The following CHN1 variants were observed in gnomAD, a reference collection of about 807,000 sequenced individuals.
The protein encoded by CHN1 is chimerin 1.
In CHN1, 37 loss-of-function variants were observed where a neutral mutation model predicts 59.5. The ratio of observed to expected loss-of-function variants is 0.62; its 90% CI spans 0.48 to 0.82. The LOEUF (loss-of-function observed/expected upper bound fraction) is 0.82. CHN1 is among the 40% of genes least tolerant of loss of function. The pLI, the probability that CHN1 is intolerant of heterozygous loss-of-function variation, is 0.00. For missense variants in CHN1, 469 were observed against 571.0 expected (o/e 0.82, Z 1.82); for synonymous variants, 206 against 200.4 (o/e 1.03, Z -0.24).
intron 11 of CHN1, among the ~76,000 whole-genome samples, chr2:174,806,170 C>A (rs1328857573): frequency 2.6e-5 from 4 of 152,078 alleles, no homozygotes; most frequent in Admixed American, 2.6e-4. Context: ...ACACAGACTT[C>A]AGGTGGGTTC....
At chr2:174,981,824 T>TAA (rs1691159479) in intron 1 of CHN1, among the ~76,000 whole-genome samples, 1 of 152,152 alleles carries the variant, frequency 6.6e-6, no homozygotes, top group African/African-American at 2.4e-5. Flanking sequence ...ACTTTAAGTT[T>TAA]TAGGGTACAT....
rs1688626017 is a variant in CHN1, at chr2:174,909,404, A to G, written c.260+5654T>C. Among the ~76,000 whole-genome samples, 4 of 152,222 alleles carry G rather than the reference A, an allele frequency of 2.6e-5. No homozygotes were observed. In the South Asian group the frequency reaches 8.3e-4, roughly 32 times the overall value. On this transcript the variant is annotated intron_variant, in intron 5 of 12. Transcript: ENST00000409900. ...GTTCTAGGAGCAGATGCTAGGTTAGACAAGCAATCAGTACATGCATTTCCC... is the reference window on the plus strand; with the variant it reads ...GTTCTAGGAGCAGATGCTAGGTTAGGCAAGCAATCAGTACATGCATTTCCC...
chr2:174,869,452 C>T (rs1390403577), intron 6 of CHN1, among the ~76,000 whole-genome samples: 2 of 151,984 alleles, frequency 1.3e-5, no homozygotes, highest in Non-Finnish European at 2.9e-5. Context: ...AATAAGATGT[C>T]ACCTGTTAGG....
At chr2:174,930,542 G>A (rs1424496003) in intron 3 of CHN1, among the ~76,000 whole-genome samples, 3 of 152,098 alleles carry the variant, frequency 2.0e-5, no homozygotes, top group African/African-American at 7.2e-5. Flanking sequence ...TATGGGGGTT[G>A]GGGGGCAAGT....
At chr2:174,819,031 GA>G (rs751436048) in intron 8 of CHN1, among the ~76,000 whole-genome samples, 10 of 151,932 alleles carry the variant, frequency 6.6e-5, no homozygotes, top group Non-Finnish European at 1.2e-4. Flanking sequence ...TTTCCCCCAG[GA>G]AAGTGGAATA....
intron 1 of CHN1, among the ~76,000 whole-genome samples, chr2:174,976,681 C>T (rs1488954171): frequency 6.6e-6 from 1 of 152,186 alleles, no homozygotes; most frequent in Non-Finnish European, 1.5e-5. Context: ...CCTTAAAGAA[C>T]TCAGATGGCT....
intron 8 of CHN1, among the ~76,000 whole-genome samples, chr2:174,816,340 C>T (rs975371536): frequency 5.9e-5 from 9 of 152,156 alleles, no homozygotes; most frequent in African/African-American, 4.8e-5. Flanking sequence ...CAGAGTGCAC[C>T]ACTGCTATTG....
chr2:174,984,061 T>C (rs1354167923), intron 1 of CHN1, among the ~76,000 whole-genome samples: 2 of 151,998 alleles, frequency 1.3e-5, no homozygotes, highest in Admixed American at 1.3e-4. Context: ...GCAAGTTTTT[T>C]TTTTTTTCAT....
At chr2:174,901,903 G>A (rs568610576) in intron 5 of CHN1, among the ~76,000 whole-genome samples, 1 of 152,104 alleles carries the variant, frequency 6.6e-6, no homozygotes, top group Non-Finnish European at 1.5e-5. Context: ...TTAACCTTAC[G>A]AAGAATTAAT....
At chr2:174,931,757 G>A (rs1689354176) in intron 3 of CHN1, among the ~76,000 whole-genome samples, 1 of 152,186 alleles carries the variant, frequency 6.6e-6, no homozygotes, top group South Asian at 2.1e-4. Context: ...CTAATATAGT[G>A]GTCACAATGG....
rs1335330674 is a variant in CHN1, at chr2:175,005,129, G to C, written c.-217C>G. 3 of 1,310,380 alleles carry C rather than the reference G, an allele frequency of 2.3e-6. No homozygotes were observed. Among genetic ancestry groups the C allele is most frequent in the Non-Finnish European group, 2.9e-6 (3 of 1,027,878 alleles). The allele number at this position is 1,310,380 out of a possible 1,614,324, so 81.2% of individuals were successfully genotyped here. The stretch of plus-strand genomic sequence containing the variant: ...GTTATTGTCGGGCGCACCGGGCCCA[G>C]GGAGCCCCGCTAGCTCTCCGCGAGC... On this transcript the variant is annotated 5_prime_UTR_variant, in exon 1 of 13. Coordinates refer to ENST00000409900, the MANE Select transcript of CHN1 (RefSeq NM_001822.7).
At chr2:174,815,789 C>CT (rs752799617) in intron 8 of CHN1, among the ~76,000 whole-genome samples, 15 of 152,098 alleles carry the variant, frequency 9.9e-5, no homozygotes, top group African/African-American at 3.6e-4. Context: ...TGAATGGTAT[C>CT]TTTGATATTT....
intron 6 of CHN1, among the ~76,000 whole-genome samples, chr2:174,865,612 G>A (rs1687192990): frequency 6.6e-6 from 1 of 152,134 alleles, no homozygotes; most frequent in Non-Finnish European, 1.5e-5. Flanking sequence ...AGTTATTTCT[G>A]TTATAATTCT....
At chr2:174,818,358 T>C (rs1461040306) in intron 8 of CHN1, among the ~76,000 whole-genome samples, 2 of 152,228 alleles carry the variant, frequency 1.3e-5, no homozygotes, top group African/African-American at 4.8e-5. Context: ...CTGATTTTTA[T>C]ACACTTACAT....
chr2:174,808,433 G>A (rs552433777), intron 11 of CHN1, among the ~76,000 whole-genome samples: 2 of 152,160 alleles, frequency 1.3e-5, no homozygotes, highest in Admixed American at 6.5e-5. Context: ...ACAGGCGCGT[G>A]CCACCACGCC....
chr2:174,813,768 C>A (rs1187334126), intron 8 of CHN1, among the ~76,000 whole-genome samples: 2 of 152,168 alleles, frequency 1.3e-5, no homozygotes, highest in Admixed American at 1.3e-4. Flanking sequence ...TGATTTATAG[C>A]CAGGTCTTAG....
chr2:174,975,888 G>A (rs1322916663), intron 1 of CHN1, among the ~76,000 whole-genome samples: 2 of 151,754 alleles, frequency 1.3e-5, no homozygotes, highest in Admixed American at 6.6e-5. Context: ...TTGGGAGGCC[G>A]AGGTGGGCGG....
chr2:174,967,418 A>C (rs1268935510), intron 1 of CHN1, among the ~76,000 whole-genome samples: 1 of 152,208 alleles, frequency 6.6e-6, no homozygotes, highest in Non-Finnish European at 1.5e-5. Context: ...ATTCATCCTT[A>C]AAAGAATATA....
At chr2:174,972,669 C>T (rs1159272635) in intron 1 of CHN1, among the ~76,000 whole-genome samples, 1 of 152,090 alleles carries the variant, frequency 6.6e-6, no homozygotes, top group Non-Finnish European at 1.5e-5. Flanking sequence ...TTGGAACTGT[C>T]CTCCTCACTC....
Sources: allele counts gnomAD v4.1 joint callset (sites outside exome capture counted in the v4.1 genomes callset), GRCh38; gene constraint gnomAD v4.1.1; transcripts MANE v1.5; gene names NCBI Gene and HGNC (gene_info 2026-07-23, HGNC 2026-07-21).